KCTD16: variants seen among roughly 807,000 people sequenced by gnomAD.
KCTD16 encodes potassium channel tetramerization domain containing 16, also known as BTB/POZ domain-containing protein KCTD16.
KCTD16 carries 13 observed loss-of-function variants against 33.2 expected under a neutral mutation model. The observed-to-expected ratio is 0.39, with a 90% CI of 0.25 to 0.62. The LOEUF (loss-of-function observed/expected upper bound fraction) is 0.62, where lower values mean the gene tolerates loss of function less well. Ranked by LOEUF, KCTD16 falls within the 20% of genes least tolerant of loss-of-function variation. The probability of loss-of-function intolerance (pLI) is 0.50; values close to 1 mark genes in which losing one functional copy is unlikely to be tolerated. For synonymous variants in KCTD16, 197 were observed against 195.3 expected (o/e 1.01, Z -0.07); for missense variants, 441 against 525.1 (o/e 0.84, Z 1.57).
intron 3 of KCTD16, among the ~76,000 whole-genome samples, chr5:144,225,155 C>T (rs1753891405): frequency 6.6e-6 from 1 of 152,154 alleles, no homozygotes; most frequent in Admixed American, 6.5e-5. Flanking sequence ...AGCCGCCTCA[C>T]AAGATAAAAT....
chr5:144,410,990 A>G (rs1262322030), intron 3 of KCTD16, among the ~76,000 whole-genome samples: 4 of 152,186 alleles, frequency 2.6e-5, no homozygotes, highest in Admixed American at 2.0e-4. Flanking sequence ...TTTTAGAAAG[A>G]TAAGATCTAT....
intron 3 of KCTD16, among the ~76,000 whole-genome samples, chr5:144,272,623 T>A (rs180828648): frequency 1.3e-5 from 2 of 152,218 alleles, no homozygotes; most frequent in African/African-American, 4.8e-5. Flanking sequence ...GACAAACATA[T>A]AGACCCATAG....
rs567144776 is a variant in KCTD16, at chr5:144,478,199, G to A, written c.*4085G>A. ...ACATTCTGTATCCTGAGTTACAATG[G>A]AGTTACATGTCATTTGTATAGAACT... On this transcript the variant is annotated 3_prime_UTR_variant, in exon 4 of 4. Coordinates refer to ENST00000512467, the MANE Select transcript of KCTD16 (RefSeq NM_020768.4). 2.0e-5 allele frequency: 3 copies of A among 152,106 alleles called. No homozygotes were observed. The South Asian group carries it at 6.2e-4, about 32-fold the overall frequency. 9.4% of individuals were successfully genotyped at this position (152,106 alleles called of 1,614,324 possible). A position where few individuals can be genotyped will look rare whatever the true frequency, so the allele number is the denominator to read the frequency against.
At chr5:144,353,644 T>A (rs75732048) in intron 3 of KCTD16, among the ~76,000 whole-genome samples, 2,341 of 152,282 alleles carry the variant, frequency 0.015, 59 homozygotes, top group African/African-American at 0.053. Context: ...TGTGAAGATA[T>A]TTGAGAGGTG....
intron 3 of KCTD16, among the ~76,000 whole-genome samples, chr5:144,370,825 A>C (rs369725572): frequency 7.2e-5 from 11 of 152,146 alleles, no homozygotes; most frequent in Admixed American, 2.0e-4. Flanking sequence ...TCTTTTCAAG[A>C]AAATACAGAG....
chr5:144,203,966 T>C (rs186932055), intron 2 of KCTD16, among the ~76,000 whole-genome samples: 96 of 152,354 alleles, frequency 6.3e-4, no homozygotes, highest in African/African-American at 2.1e-3. Flanking sequence ...ACAAACATCT[T>C]GCTTGGTCCA....
intron 3 of KCTD16, among the ~76,000 whole-genome samples, chr5:144,243,387 A>G (rs1754457014): frequency 6.6e-6 from 1 of 152,228 alleles, no homozygotes; most frequent in Non-Finnish European, 1.5e-5. Flanking sequence ...AGGGGAGAAT[A>G]TCAGCATAAA....
chr5:144,451,070 G>C (rs1484375091), intron 3 of KCTD16, among the ~76,000 whole-genome samples: 1 of 152,008 alleles, frequency 6.6e-6, no homozygotes, highest in African/African-American at 2.4e-5. Context: ...CGTTAAATAT[G>C]CACAGCTGCT....
At chr5:144,363,948 T>G (rs564771636) in intron 3 of KCTD16, among the ~76,000 whole-genome samples, 1 of 152,366 alleles carries the variant, frequency 6.6e-6, no homozygotes, top group East Asian at 1.9e-4. Flanking sequence ...GTTGATGGGC[T>G]TTATTTAGTT....
At chr5:144,463,886 A>C (rs1050471510) in intron 3 of KCTD16, among the ~76,000 whole-genome samples, 1 of 152,238 alleles carries the variant, frequency 6.6e-6, no homozygotes, top group African/African-American at 2.4e-5. Flanking sequence ...GGCTCTGCCT[A>C]TATGGGAAAA....
At chr5:144,401,372 T>A (rs1035858769) in intron 3 of KCTD16, among the ~76,000 whole-genome samples, 1 of 152,188 alleles carries the variant, frequency 6.6e-6, no homozygotes, top group African/African-American at 2.4e-5. Flanking sequence ...TAATTCCAAC[T>A]GGTGTAGGAG....
intron 3 of KCTD16, among the ~76,000 whole-genome samples, chr5:144,280,068 T>A (rs1451646431): frequency 6.6e-6 from 1 of 152,192 alleles, no homozygotes; most frequent in Non-Finnish European, 1.5e-5. Context: ...TTTGACTTTT[T>A]AATATTGTGT....
chr5:144,241,747 A>G (rs1754409969), intron 3 of KCTD16, among the ~76,000 whole-genome samples: 1 of 152,186 alleles, frequency 6.6e-6, no homozygotes, highest in Non-Finnish European at 1.5e-5. Flanking sequence ...TCATTTCTGA[A>G]TGAGTGGATT....
At chr5:144,203,434 A>T (rs1209371748) in intron 2 of KCTD16, among the ~76,000 whole-genome samples, 1 of 152,108 alleles carries the variant, frequency 6.6e-6, no homozygotes, top group Non-Finnish European at 1.5e-5. Context: ...TAAAATGAGG[A>T]TGGTTATCCT....
chr5:144,179,842 C>A (rs552896568), intron 2 of KCTD16, among the ~76,000 whole-genome samples: 1 of 152,172 alleles, frequency 6.6e-6, no homozygotes, highest in African/African-American at 2.4e-5. Context: ...TTTATTCATT[C>A]GTTTAACAAA....
chr5:144,475,514 C>T lies in KCTD16; in HGVS notation c.*1400C>T, dbSNP rs1220836791. The T allele has an allele frequency of 6.6e-6, 1 of 152,638 alleles. No individual in the cohort carries two copies. The highest frequency in any genetic ancestry group is 1.5e-5 in the Non-Finnish European group (1 of 68,044). The allele number at this position is 152,638 out of a possible 1,614,324, so 9.5% of individuals were successfully genotyped here. On this transcript the variant is annotated 3_prime_UTR_variant, in exon 4 of 4. Coordinates refer to ENST00000512467, the MANE Select transcript of KCTD16 (RefSeq NM_020768.4). ...TCCGTCCATGTAACTCTGTATTTTA[C>T]TAAGGTACCAATAGCTCTTTCATAG... is the stretch of plus-strand genomic sequence containing the variant.
At chr5:144,346,524 T>C (rs1018986022) in intron 3 of KCTD16, among the ~76,000 whole-genome samples, 2 of 152,216 alleles carry the variant, frequency 1.3e-5, no homozygotes, top group African/African-American at 4.8e-5. Context: ...CAGCATTTGT[T>C]ATTGCCTATC....
chr5:144,205,852 A>G, intron 2 of KCTD16: 1 of 311,572 alleles, frequency 3.2e-6, no homozygotes, highest in South Asian at 1.6e-4. Context: ...ATAGGCATTT[A>G]TATAAATGCA....
chr5:144,458,599 A>C, intron 3 of KCTD16, among the ~76,000 whole-genome samples: 1 of 152,194 alleles, frequency 6.6e-6, no homozygotes, highest in Middle Eastern at 3.2e-3. Context: ...TCAGTTTACT[A>C]TTTGCTTACT....
Sources: gnomAD v4.1 joint callset for allele counts (sites outside exome capture counted in the v4.1 genomes callset) on GRCh38, gnomAD v4.1.1 for gene constraint, MANE v1.5 for transcripts, NCBI Gene and HGNC (gene_info 2026-07-23, HGNC 2026-07-21) for gene names.